FAT1: variants seen among roughly 807,000 people sequenced by gnomAD.
The protein encoded by FAT1 is FAT atypical cadherin 1.
Under a neutral mutation model 329.8 loss-of-function variants are expected in FAT1, and 171 were observed. That is an observed-to-expected ratio of 0.52 (90% CI 0.46 to 0.59). The LOEUF (loss-of-function observed/expected upper bound fraction) is 0.59. FAT1 is among the 20% of genes least tolerant of loss of function. The probability of loss-of-function intolerance (pLI) is 0.00; values close to 1 mark genes in which losing one functional copy is unlikely to be tolerated. For synonymous variants in FAT1, 2,233 were observed against 2,228.6 expected (o/e 1.00, Z -0.06); for missense variants, 5,672 against 5,774.4 (o/e 0.98, Z 0.57).
intron 9 of FAT1, 38 bp downstream of exon 9, chr4:186,628,116 C>T (rs1247200229): frequency 1.9e-6 from 3 of 1,593,000 alleles, no homozygotes; most frequent in African/African-American, 2.7e-5. Context: ...CTTTTAACAA[C>T]TGCAAATTTA....
intron 3 of FAT1, among the ~76,000 whole-genome samples, chr4:186,660,082 C>T (rs150797301): frequency 1.3e-5 from 2 of 152,294 alleles, no homozygotes; most frequent in Non-Finnish European, 2.9e-5. Context: ...TCTGGATTTC[C>T]AGCCCAGTGA....
At chr4:186,605,897 A>G (rs1344807797) in intron 17 of FAT1, among the ~76,000 whole-genome samples, 173 bp downstream of exon 17, 1 of 152,132 alleles carries the variant, frequency 6.6e-6, no homozygotes, top group Non-Finnish European at 1.5e-5. Context: ...AAGAGATAAA[A>G]GCTTGGCTTT....
intron 11 of FAT1, 102 bp downstream of exon 11, chr4:186,616,903 A>G (rs1739738494): frequency 9.5e-7 from 1 of 1,051,068 alleles, no homozygotes; most frequent in Non-Finnish European, 1.4e-6. Context: ...AAGTGATCAT[A>G]AAACACATGT....
In FAT1 at chr4:186,633,720, G is replaced by C. The variant is rs772770463; in HGVS notation, c.4287C>G (p.Val1429=). 6 of 1,613,836 alleles carry C rather than the reference G, an allele frequency of 3.7e-6. No individual in the cohort carries two copies. The highest frequency in any genetic ancestry group is 5.1e-6 in the Non-Finnish European group (6 of 1,179,838). The stretch of plus-strand genomic sequence containing the variant: ...TAGTGGTGGTTCCATCTGTAGCCTC[G>C]ACTGTGAGGTTGTAGTTTGACTTCT... ...AEQKSNYNLT[V]EATDGTTTIL... is the part of the protein sequence containing the mutation. Residue 1429 remains valine (V), a synonymous_variant, in exon 7 of 27, where the codon GTC becomes GTG. Coordinates refer to ENST00000441802, the MANE Select transcript of FAT1 (RefSeq NM_005245.4).
intron 26 of FAT1, among the ~76,000 whole-genome samples, chr4:186,593,711 G>A (rs1738351075): frequency 6.6e-6 from 1 of 152,208 alleles, no homozygotes; most frequent in South Asian, 2.1e-4. Flanking sequence ...CTAAAAACCA[G>A]GAAAGGAAGG....
Position 186,588,778 on chromosome 4 carries a change from G to A in FAT1, c.13581C>T (p.Phe4527=), listed in dbSNP as rs373825887. ...APYPPGYQRH[F]EAPAVESMPM... ...GCATGCTCTCGACAGCGGGCGCCTC[G>A]AAGTGTCTTTGATACCCTGGCGGGT... The change falls in exon 27 of 27, where the codon TTC becomes TTT. Residue 4527 remains phenylalanine (F), a synonymous_variant. Coordinates refer to ENST00000441802, the MANE Select transcript of FAT1 (RefSeq NM_005245.4). 46 of 1,613,894 alleles carry A rather than the reference G, an allele frequency of 2.9e-5. No homozygotes were observed. Among genetic ancestry groups the A allele is most frequent in the Middle Eastern group, 1.6e-4 (1 of 6,084 alleles).
At chr4:186,710,959 G>A (rs1245902342) in intron 1 of FAT1, among the ~76,000 whole-genome samples, 1 of 152,194 alleles carries the variant, frequency 6.6e-6, no homozygotes, top group Non-Finnish European at 1.5e-5. Context: ...AGGGAAGCAG[G>A]ACAGTTATTT....
intron 3 of FAT1, among the ~76,000 whole-genome samples, chr4:186,640,944 G>A (rs1048778901): frequency 2.0e-5 from 3 of 152,170 alleles, no homozygotes; most frequent in African/African-American, 7.2e-5. Flanking sequence ...AGGGCTGAAC[G>A]TTCTCCTCCC....
At chr4:186,664,612 A>G (rs973293697) in intron 2 of FAT1, among the ~76,000 whole-genome samples, 7 of 152,226 alleles carry the variant, frequency 4.6e-5, no homozygotes, top group Non-Finnish European at 7.3e-5. Context: ...GTCAAAACTT[A>G]ACTTCAAGCC....
chr4:186,597,902 A>G, intron 23 of FAT1, 70 bp downstream of exon 23: 7 of 1,571,632 alleles, frequency 4.5e-6, no homozygotes, highest in Non-Finnish European at 6.1e-6. Flanking sequence ...CAGACTTTTT[A>G]CATGTACCAT....
intron 7 of FAT1, among the ~76,000 whole-genome samples, chr4:186,630,404 T>C (rs1349404690): frequency 6.6e-6 from 1 of 151,918 alleles, no homozygotes; most frequent in South Asian, 2.1e-4. Flanking sequence ...TCAGGGGTGA[T>C]ACAGTAAAGG....
At position 186,603,014 on chromosome 4, in the gene FAT1, G is replaced by A. The variant is rs2126423338; in HGVS notation, c.11371C>T (p.His3791Tyr). 1 of 1,613,960 alleles carries A rather than the reference G, an allele frequency of 6.2e-7. No individual in the cohort carries two copies. The highest frequency in any genetic ancestry group is 8.5e-7 in the Non-Finnish European group (1 of 1,179,888). ...CACGGATCATCTTCACAGCCATGGT[G>A]GACAGGTGGGCACCTTCCCTCTTCA... ...LCKEGRCPPVHHGCEDDPCPE... is the reference protein window; with the variant it reads ...LCKEGRCPPVYHGCEDDPCPE... The change falls in exon 20 of 27, where the codon CAC becomes TAC. Residue 3791 changes from histidine (H) to tyrosine (Y), a missense_variant. His to Tyr is a moderately conservative substitution (Grantham distance 83, BLOSUM62 2). Around this residue, in one of 2 missense-constraint regions of FAT1, gnomAD observed 1,706 missense variants for 1,859.1 expected, o/e 0.92. Transcript: ENST00000441802.
rs779089520 is a variant in FAT1 at position 186,709,288 on chromosome 4, G to T, written c.540C>A (p.Thr180=). 24 of 1,613,844 alleles carry T rather than the reference G, an allele frequency of 1.5e-5. No homozygotes were observed. The highest frequency in any genetic ancestry group is 2.0e-5 in the Non-Finnish European group (24 of 1,179,894). Residue 180 remains threonine (T), a synonymous_variant, in exon 2 of 27, where the codon ACC becomes ACA. Coordinates refer to ENST00000441802, the MANE Select transcript of FAT1 (RefSeq NM_005245.4). ...RVSATDADIG[T]NGEFYYSFKD... ...TAAAACTGTAGTAAAATTCCCCGTT[G>T]GTTCCTATGTCTGCATCCGTGGCGC...
chr4:186,599,692 C>T (rs1265500095), intron 22 of FAT1, among the ~76,000 whole-genome samples: 6 of 152,300 alleles, frequency 3.9e-5, no homozygotes, highest in South Asian at 2.1e-4. Flanking sequence ...CAGTGGGAGC[C>T]GTGGTACCTG....
In FAT1 at chr4:186,623,214, C is replaced by G. The variant is rs543044366; in HGVS notation, c.4811-1439G>C. 1.1e-3 allele frequency among the ~76,000 whole-genome samples: 169 copies of G among 152,370 alleles called. 1 individual carries two copies. Among genetic ancestry groups the G allele is most frequent in the African/African-American group, 4.0e-3 (167 of 41,596 alleles). On this transcript the variant is annotated intron_variant, in intron 9 of 26. Transcript: ENST00000441802. ...TAGGCCCTGACGCTCTGAGCTGAAC[C>G]CTGGCCGAGAACTGGGTCCTGCTGC...
intron 9 of FAT1, 102 bp from the exon 10 acceptor site, chr4:186,621,877 G>C: frequency 1.4e-6 from 1 of 734,484 alleles, no homozygotes; most frequent in Non-Finnish European, 2.1e-6. Context: ...ATTATATTCT[G>C]AAATTAAGCA....
intron 24 of FAT1, 111 bp downstream of exon 24, chr4:186,597,571 T>C (rs1725268418): frequency 1.4e-6 from 1 of 719,536 alleles, no homozygotes; most frequent in Non-Finnish European, 2.4e-6. Context: ...AATATGAGGA[T>C]TATCAAAATC....
intron 11 of FAT1, among the ~76,000 whole-genome samples, chr4:186,614,838 G>A (rs544576902): frequency 5.9e-5 from 6 of 101,288 alleles, no homozygotes; most frequent in East Asian, 2.2e-4. Flanking sequence ...GAAGATTCTC[G>A]AAGGCCACAG....
At chr4:186,682,526 C>CCAAAAAAAAAAAAAAA (rs1743267537) in intron 2 of FAT1, among the ~76,000 whole-genome samples, 1 of 119,706 alleles carries the variant, frequency 8.4e-6, no homozygotes, top group Non-Finnish European at 1.6e-5. Flanking sequence ...GACTCTGTCT[C>CCAAAAAAAAAAAAAAA]AAAAAAAAAA....
Sources: allele counts gnomAD v4.1 joint callset (sites outside exome capture counted in the v4.1 genomes callset), GRCh38; gene constraint gnomAD v4.1.1; regional missense constraint gnomAD v4.1.1; transcripts MANE v1.5; gene names NCBI Gene and HGNC (gene_info 2026-07-23, HGNC 2026-07-21).